Variants in PRDM9 observed in about 807,000 individuals in gnomAD.
PRDM9 encodes the protein histone-lysine N-methyltransferase PRDM9.
In PRDM9, 47 loss-of-function variants were observed where a neutral mutation model predicts 55.6. That is an observed-to-expected ratio of 0.85 (90% CI 0.67 to 1.08). PRDM9 has a LOEUF of 1.08. PRDM9 is among the 50% of genes least tolerant of loss of function. The probability of loss-of-function intolerance (pLI) is 0.00; values close to 1 mark genes in which losing one functional copy is unlikely to be tolerated. For missense variants in PRDM9, 867 were observed against 1,040.3 expected, an observed-to-expected ratio of 0.83 and a Z score of 2.29; for synonymous variants, 312 against 375.7, an observed-to-expected ratio of 0.83 and a Z score of 1.96.
Position 23,523,364 on chromosome 5 carries a change from G to A in PRDM9, c.950+6G>A. The A allele has an allele frequency of 1.9e-6, 3 of 1,609,618 alleles. No individual in the cohort carries two copies. In the South Asian group the frequency reaches 3.3e-5, roughly 18 times the overall value. ...TCCTGGGCCAACTGGATGAGGTAAG[G>A]CCAGTAGCTCTCTGAGTTGCAGAGA... is the stretch of plus-strand genomic sequence containing the variant. On this transcript the variant is annotated splice_donor_region_variant and intron_variant, in intron 9 of 10. Transcript: ENST00000296682.
In PRDM9 at chr5:23,526,733, G is replaced by A; in HGVS notation, c.1645G>A (p.Glu549Lys). ...VITHQRTHTG[E>K]KLYVCRECGR... Reference sequence around the variant, plus strand: ...TACACACCAAAGGACACATACAGGGGAGAAGCTCTACGTCTGCAGGGAGTG... The same window carrying A: ...TACACACCAAAGGACACATACAGGGAAGAAGCTCTACGTCTGCAGGGAGTG... The change falls in exon 11 of 11, where the codon GAG (glutamate) becomes AAG (lysine). Residue 549 changes from glutamate (E) to lysine (K), a missense_variant. By Grantham distance (56) the Glu-to-Lys change is moderately conservative. Coordinates refer to ENST00000296682, the MANE Select transcript of PRDM9 (RefSeq NM_020227.4). 1.2e-6 allele frequency: 2 copies of A among 1,613,474 alleles called. No homozygotes were observed. The highest frequency in any genetic ancestry group is 1.7e-4 in the Middle Eastern group (1 of 6,060).
At chr5:23,507,965 C>T (rs1482949502) in intron 1 of PRDM9, among the ~76,000 whole-genome samples, 1 of 152,074 alleles carries the variant, frequency 6.6e-6, no homozygotes, top group Non-Finnish European at 1.5e-5. Flanking sequence ...CGCAATTCCC[C>T]TCACCCTAAG....
intron 5 of PRDM9, 78 bp downstream of exon 5, chr5:23,518,008 G>C: frequency 7.6e-7 from 1 of 1,317,476 alleles, no homozygotes. Context: ...AGAATGTACA[G>C]ACTATCATAG....
intron 6 of PRDM9, 41 bp downstream of exon 6, chr5:23,521,220 C>T (rs760192233): frequency 1.9e-5 from 30 of 1,607,888 alleles, no homozygotes; most frequent in Admixed American, 6.7e-5. Flanking sequence ...CCCTCTATGT[C>T]CTCTAGAAAG....
intron 6 of PRDM9, 72 bp downstream of exon 6, chr5:23,521,251 T>C (rs2126425310): frequency 6.4e-7 from 1 of 1,570,658 alleles, no homozygotes; most frequent in Admixed American, 1.7e-5. Context: ...ATGGTCTACC[T>C]ATGTGGGGTG....
chr5:23,521,143 G>A lies in PRDM9; in HGVS notation c.472G>A (p.Ala158Thr). The change falls in exon 6 of 11, where the codon GCA becomes ACA. Residue 158 changes from alanine to threonine, a missense_variant. By Grantham distance (58) the Ala-to-Thr change is moderately conservative. Coordinates refer to ENST00000296682, the MANE Select transcript of PRDM9 (RefSeq NM_020227.4). ...GAAACCAGTGTCCCCTTCTGGAGAA[G>A]CAAGTACCTCTGGACAGCACTCAAG... The part of the protein sequence containing the change: ...AQKPVSPSGE[A>T]STSGQHSRLK... 1.2e-6 allele frequency: 2 copies of A among 1,613,822 alleles called. No homozygotes were observed. The highest frequency in any genetic ancestry group is 1.7e-6 in the Non-Finnish European group (2 of 1,180,038).
At position 23,527,602 on chromosome 5, in the gene PRDM9, GC is replaced by G. The variant is rs1739495773; in HGVS notation, c.2515del (p.Arg839GlyfsTer100). 6.6e-7 allele frequency: 1 copy of G among 1,512,366 alleles called. No homozygotes were observed. Among genetic ancestry groups the G allele is most frequent in the African/African-American group, 1.6e-5 (1 of 63,052 alleles). 93.7% of individuals were successfully genotyped at this position (1,512,366 alleles called of 1,614,324 possible). On this transcript the variant is annotated frameshift_variant, in exon 11 of 11. Coordinates refer to ENST00000296682, the MANE Select transcript of PRDM9 (RefSeq NM_020227.4). LOFTEE classifies it low-confidence loss of function (END_TRUNC). ...AGCCCTATGTCTGCAGGGAGTGTGG[GC>G]GGGGCTTTCGCAATAAGTCACACCT... Reference protein sequence around the residue: ...EKPYVCRECGRGFRNKSHLLR... With the variant: ...EKPYVCRECGXGFRNKSHLLR...
intron 1 of PRDM9, 103 bp from the exon 2 acceptor site, chr5:23,508,847 A>G (rs1220212387): frequency 1.5e-6 from 1 of 671,298 alleles, no homozygotes; most frequent in Non-Finnish European, 2.5e-6. Flanking sequence ...CCAGGAATCC[A>G]CATCTTCCTG....
At chr5:23,517,765 C>A (rs1478239673) in intron 4 of PRDM9, 116 bp from the exon 5 acceptor site, 8 of 1,051,802 alleles carry the variant, frequency 7.6e-6, no homozygotes, top group African/African-American at 4.8e-5. Context: ...CCAGCCTGGG[C>A]GACAGAGGGA....
chr5:23,520,998 T>C (rs772319665), intron 5 of PRDM9, 25 bp from the exon 6 acceptor site: 1 of 1,613,198 alleles, frequency 6.2e-7, no homozygotes, highest in East Asian at 2.2e-5. Context: ...GTGTTGTCTT[T>C]TAATATGTGA....
In PRDM9 at chr5:23,525,517, A is replaced by C. The variant is rs766706859; in HGVS notation, c.1145-716A>C. The stretch of plus-strand genomic sequence containing the variant: ...TTATGATTTGTGGAATCTGAAATGG[A>C]ATCTATGCACCTAGTTGGGGTAGCA... On this transcript the variant is annotated intron_variant, in intron 10 of 10. Transcript: ENST00000296682. Among the ~76,000 whole-genome samples, 50 of 152,184 alleles carry C rather than the reference A, an allele frequency of 3.3e-4. 1 individual carries two copies. Among genetic ancestry groups the C allele is most frequent in the Non-Finnish European group, 1.3e-4 (9 of 68,024 alleles).
intron 9 of PRDM9, 145 bp from the exon 10 acceptor site, chr5:23,524,189 T>C (rs1739386725): frequency 1.9e-6 from 2 of 1,037,182 alleles, no homozygotes. Context: ...GATTTAGGAA[T>C]GAGCAGAAGG....
At chr5:23,525,461 T>C (rs1431050886) in intron 10 of PRDM9, among the ~76,000 whole-genome samples, 1 of 152,180 alleles carries the variant, frequency 6.6e-6, no homozygotes, top group Non-Finnish European at 1.5e-5. Context: ...GAATACTTGA[T>C]GGGCAGCCTG....
Position 23,523,362 on chromosome 5 carries a change from A to C in PRDM9, c.950+4A>C, listed in dbSNP as rs768647382. ...AATCCTGGGCCAACTGGATGAGGTAAGGCCAGTAGCTCTCTGAGTTGCAGA... is the reference window on the plus strand; with the variant it reads ...AATCCTGGGCCAACTGGATGAGGTACGGCCAGTAGCTCTCTGAGTTGCAGA... On this transcript the variant is annotated splice_donor_region_variant and intron_variant, in intron 9 of 10. Transcript: ENST00000296682. The C allele has an allele frequency of 1.2e-6, 2 of 1,610,124 alleles. No homozygotes were observed. Among genetic ancestry groups the C allele is most frequent in the Non-Finnish European group, 1.7e-6 (2 of 1,176,372 alleles).
Position 23,509,605 on chromosome 5 carries a change from T to C in PRDM9, c.193+12T>C. ...ACTGATTACTATAGGTAACAGGAAG[T>C]GCTGGGCACAGACCAGCCTGGGAGA... On this transcript the variant is annotated intron_variant, in intron 3 of 10. Coordinates refer to ENST00000296682, the MANE Select transcript of PRDM9 (RefSeq NM_020227.4). 6.2e-7 allele frequency: 1 copy of C among 1,614,176 alleles called. No homozygotes were observed. The highest frequency in any genetic ancestry group is 8.5e-7 in the Non-Finnish European group (1 of 1,180,016).
Position 23,514,496 on chromosome 5 carries a change from T to C in PRDM9, c.302-3385T>C, listed in dbSNP as rs1579589918. ...ACAGCCTCACTCTGTTGCCCCAGGCTGGAGTTCAGTGGTGCGATCTCAGCT... is the reference window on the plus strand; with the variant it reads ...ACAGCCTCACTCTGTTGCCCCAGGCCGGAGTTCAGTGGTGCGATCTCAGCT... On this transcript the variant is annotated intron_variant, in intron 4 of 10. Coordinates refer to ENST00000296682, the MANE Select transcript of PRDM9 (RefSeq NM_020227.4). Among the ~76,000 whole-genome samples the C allele has an allele frequency of 2.0e-5, 3 of 152,232 alleles. No individual in the cohort carries two copies. The South Asian group carries it at 6.2e-4, about 32-fold the overall frequency.
At chr5:23,516,024 A>G (rs1393870512) in intron 4 of PRDM9, among the ~76,000 whole-genome samples, 2 of 152,174 alleles carry the variant, frequency 1.3e-5, no homozygotes, top group Admixed American at 6.5e-5. Flanking sequence ...GAATTTTTGG[A>G]TATTTTTCCT....
rs115687452 is a variant in PRDM9, at chr5:23,513,372, G to A, written c.301+3345G>A. Among the ~76,000 whole-genome samples, 757 of 152,270 alleles carry A rather than the reference G, an allele frequency of 5.0e-3. 7 individuals are homozygous for A. The highest frequency in any genetic ancestry group is 0.017 in the African/African-American group (704 of 41,548). On this transcript the variant is annotated intron_variant, in intron 4 of 10. Transcript: ENST00000296682. Reference sequence around the variant, plus strand: ...GCTCCAACCTCATGAATGGATTAACGCCACTATCACAGGAGTGGGTTAGTT... The same window carrying A: ...GCTCCAACCTCATGAATGGATTAACACCACTATCACAGGAGTGGGTTAGTT...
rs745542408 is a variant in PRDM9 at position 23,522,310 on chromosome 5, GGAA to G, written c.520_522del (p.Lys174del). 8.1e-6 allele frequency: 13 copies of G among 1,613,234 alleles called. No individual in the cohort carries two copies. The East Asian group carries it at 2.0e-4, about 25-fold the overall frequency. On this transcript the variant is annotated inframe_deletion, in exon 7 of 11. Coordinates refer to ENST00000296682, the MANE Select transcript of PRDM9 (RefSeq NM_020227.4). The stretch of plus-strand genomic sequence containing the variant: ...CTACTCTTCTCCAACCTAGAACTCA[GGAA>G]GAAGGAGACTGAAAGAAAGATGTAT...
Sources: gnomAD v4.1 joint callset for allele counts (sites outside exome capture counted in the v4.1 genomes callset) on GRCh38, gnomAD v4.1.1 for gene constraint, MANE v1.5 for transcripts, NCBI Gene and HGNC (gene_info 2026-07-23, HGNC 2026-07-21) for gene names.